Variants in MPHOSPH9 observed in about 807,000 individuals in gnomAD.
The protein encoded by MPHOSPH9 is M-phase phosphoprotein 9.
In MPHOSPH9, 88 loss-of-function variants were observed where a neutral mutation model predicts 145.5. The ratio of observed to expected loss-of-function variants is 0.60; its 90% CI spans 0.51 to 0.72. The LOEUF (loss-of-function observed/expected upper bound fraction) is 0.72. Among genes scored for constraint, MPHOSPH9 ranks in the 30% least tolerant of loss-of-function variants. MPHOSPH9 has a pLI of 0.00. For missense variants in MPHOSPH9, 1,238 were observed against 1,386.6 expected (o/e 0.89, Z 1.70); for synonymous variants, 435 against 486.2 (o/e 0.89, Z 1.39).
intron 3 of MPHOSPH9, chr12:123,226,400 A>G: frequency 1.2e-6 from 1 of 826,230 alleles, no homozygotes; most frequent in Non-Finnish European, 1.6e-6. Context: ...TAACGTTTAA[A>G]ACAAGATCTA....
chr12:123,202,760 C>A lies in MPHOSPH9; in HGVS notation c.1645G>T (p.Val549Phe), dbSNP rs189088477. Reference protein sequence around the residue: ...VYTITSNDISVNTVDEENTVM... With the variant: ...VYTITSNDISFNTVDEENTVM... Reference sequence around the variant, plus strand: ...GTGTTTTCTTCATCTACAGTGTTGACCGAGATATCATTACTAGTAATGGTA... The same window carrying A: ...GTGTTTTCTTCATCTACAGTGTTGAACGAGATATCATTACTAGTAATGGTA... The change falls in exon 10 of 24, where the codon GTC becomes TTC. Residue 549 changes from valine to phenylalanine, a missense_variant. Physicochemically the swap from Val to Phe is conservative, Grantham distance 50. Around this residue, in one of 3 missense-constraint regions of MPHOSPH9, gnomAD observed 837 missense variants for 897.5 expected, o/e 0.93. Coordinates refer to ENST00000606320, the MANE Select transcript of MPHOSPH9 (RefSeq NM_022782.4). The A allele has an allele frequency of 1.2e-4, 186 of 1,614,122 alleles. No homozygotes were observed. The highest frequency in any genetic ancestry group is 1.6e-4 in the Middle Eastern group (1 of 6,062).
intron 7 of MPHOSPH9, among the ~76,000 whole-genome samples, chr12:123,212,437 C>T (rs2046768314): frequency 6.6e-6 from 1 of 152,114 alleles, no homozygotes. Context: ...CGCCTGTAAT[C>T]CCAGCACTTT....
chr12:123,219,207 T>C (rs2047095886), intron 5 of MPHOSPH9, among the ~76,000 whole-genome samples: 1 of 152,020 alleles, frequency 6.6e-6, no homozygotes, highest in Non-Finnish European at 1.5e-5. Context: ...GCCCAGCCAG[T>C]TGTTTTTTCT....
chr12:123,233,545 G>A (rs1309841008), upstream of MPHOSPH9: 1 of 152,268 alleles, frequency 6.6e-6, no homozygotes, highest in Admixed American at 6.5e-5. Context: ...AGCATCTGCG[G>A]AGAAGCCAGG....
chr12:123,207,305 CAA>C (rs2046477970), intron 8 of MPHOSPH9, among the ~76,000 whole-genome samples: 3 of 152,104 alleles, frequency 2.0e-5, no homozygotes, highest in Admixed American at 1.3e-4. Flanking sequence ...GTGAGCCCTG[CAA>C]TTGCAAAGCC....
At chr12:123,171,501 C>T (rs2044579532) in intron 16 of MPHOSPH9, among the ~76,000 whole-genome samples, 1 of 150,956 alleles carries the variant, frequency 6.6e-6, no homozygotes, top group African/African-American at 2.4e-5. Flanking sequence ...ATAATCCCAG[C>T]ACTTTGGGAG....
Position 123,202,713 on chromosome 12 carries a change from T to C in MPHOSPH9, c.1692A>G (p.Ser564=). The stretch of plus-strand genomic sequence containing the variant: ...TACCTGGAAGCTGGGACTGACTGAC[T>C]GAGGCCGAAGCAACCATGACAGTGT... ...EENTVMVASA[S]VSQSQLPGTA... Residue 564 remains serine, a synonymous_variant, in exon 10 of 24, where the codon TCA becomes TCG. Transcript: ENST00000606320. The C allele has an allele frequency of 6.2e-7, 1 of 1,614,224 alleles. No homozygotes were observed. Among genetic ancestry groups the C allele is most frequent in the Non-Finnish European group, 8.5e-7 (1 of 1,180,044 alleles).
chr12:123,195,252 G>A (rs1322303922), intron 12 of MPHOSPH9, among the ~76,000 whole-genome samples: 1 of 152,096 alleles, frequency 6.6e-6, no homozygotes, highest in African/African-American at 2.4e-5. Flanking sequence ...AACATTTAGG[G>A]AGGAGAAAAA....
In MPHOSPH9 at chr12:123,165,339, A is replaced by G. The variant is rs746427051; in HGVS notation, c.2730T>C (p.Asn910=). The stretch of plus-strand genomic sequence containing the variant: ...CCTCTTTCTCTGTCTGTGTCCCCCA[A>G]TTTTTAAATATTTTTCCCTCATCAA... ...KELDEGKIFK[N]WGTQTEKEDT... is the part of the protein sequence containing the mutation. The change falls in exon 18 of 24, where the codon AAT becomes AAC. Residue 910 remains asparagine, a synonymous_variant. Coordinates refer to ENST00000606320, the MANE Select transcript of MPHOSPH9 (RefSeq NM_022782.4). 9.3e-6 allele frequency: 15 copies of G among 1,613,818 alleles called. No individual in the cohort carries two copies. The highest frequency in any genetic ancestry group is 6.7e-5 in the East Asian group (3 of 44,888).
At chr12:123,199,655 T>C (rs1192468546) in intron 11 of MPHOSPH9, among the ~76,000 whole-genome samples, 1 of 151,882 alleles carries the variant, frequency 6.6e-6, no homozygotes, top group African/African-American at 2.4e-5. Flanking sequence ...TAGCCGGGCA[T>C]GGTGGCGGGC....
At chr12:123,236,066 AAAAT>A (rs1177514764), upstream of MPHOSPH9, among the ~76,000 whole-genome samples, 3 of 152,094 alleles carry the variant, frequency 2.0e-5, no homozygotes, top group Non-Finnish European at 4.4e-5. Flanking sequence ...TCGTCTCAAA[AAAAT>A]AAATAAATAA....
At chr12:123,165,753 G>A in intron 17 of MPHOSPH9, 1 of 331,666 alleles carries the variant, frequency 3.0e-6, no homozygotes, top group Non-Finnish European at 5.5e-6. Context: ...CCAGGAAGAG[G>A]GCCCTCACCA....
intron 12 of MPHOSPH9, among the ~76,000 whole-genome samples, chr12:123,195,649 A>G (rs1342652245): frequency 1.3e-5 from 2 of 152,132 alleles, no homozygotes; most frequent in Non-Finnish European, 2.9e-5. Context: ...TCACTCAACA[A>G]TCATTTCTGG....
chr12:123,222,010 T>A, intron 4 of MPHOSPH9, 115 bp from the exon 5 acceptor site: 13 of 683,420 alleles, frequency 1.9e-5, no homozygotes, highest in Non-Finnish European at 3.1e-5. Flanking sequence ...CTAAAGATAA[T>A]GTGATACTTT....
Position 123,221,498 on chromosome 12 carries a change from T to C in MPHOSPH9, c.746A>G (p.Tyr249Cys). Residue 249 changes from tyrosine (Y) to cysteine (C), a missense_variant, in exon 5 of 24, where the codon TAT becomes TGT. Tyr to Cys is a radical substitution (Grantham distance 194). Transcript: ENST00000606320. ...LVDGVKNENF[Y>C]IQTPEECHVS... ...ATGACACTCTTCAGGAGTCTGTATA[T>C]AAAAATTCTCATTTTTCACACCATC... The C allele has an allele frequency of 2.5e-6, 4 of 1,614,200 alleles. No homozygotes were observed. Among genetic ancestry groups the C allele is most frequent in the South Asian group, 1.1e-5 (1 of 91,090 alleles).
intron 16 of MPHOSPH9, 134 bp downstream of exon 16, chr12:123,176,554 A>C (rs2044873614): frequency 1.6e-6 from 1 of 634,322 alleles, no homozygotes. Context: ...ATGTTCAGTA[A>C]TTAATCTAAC....
At chr12:123,174,878 C>T (rs901920069) in intron 16 of MPHOSPH9, among the ~76,000 whole-genome samples, 65 of 152,210 alleles carry the variant, frequency 4.3e-4, no homozygotes, top group African/African-American at 1.5e-3. Flanking sequence ...TATTCCAACA[C>T]CTCCCTTTCT....
At chr12:123,165,076 A>T (rs1565899023) in intron 18 of MPHOSPH9, among the ~76,000 whole-genome samples, 1 of 151,628 alleles carries the variant, frequency 6.6e-6, no homozygotes, top group Non-Finnish European at 1.5e-5. Flanking sequence ...GGAATGTAAG[A>T]TTCAACTGGC....
chr12:123,223,258 T>C, intron 3 of MPHOSPH9, 131 bp from the exon 4 acceptor site: 1 of 477,194 alleles, frequency 2.1e-6, no homozygotes. Flanking sequence ...ATCAGCACTC[T>C]CATAGCTAGA....
Sources: gnomAD v4.1 joint callset for allele counts (sites outside exome capture counted in the v4.1 genomes callset) on GRCh38, gnomAD v4.1.1 for gene constraint, gnomAD v4.1.1 regional missense constraint, MANE v1.5 for transcripts, NCBI Gene and HGNC (gene_info 2026-07-23, HGNC 2026-07-21) for gene names.